The following KDM4C variants were observed in gnomAD, a reference collection of about 807,000 sequenced individuals.
The protein encoded by KDM4C is lysine-specific demethylase 4C.
KDM4C carries 81 observed loss-of-function variants against 129.3 expected under a neutral mutation model. The ratio of observed to expected loss-of-function variants is 0.63; its 90% CI spans 0.52 to 0.75. KDM4C has a LOEUF of 0.75. Among genes scored for constraint, KDM4C ranks in the 30% least tolerant of loss-of-function variants. KDM4C has a pLI of 0.00. For missense variants in KDM4C, 1,457 were observed against 1,304.0 expected (o/e 1.12, Z -1.81); for synonymous variants, 573 against 456.1 (o/e 1.26, Z -3.26).
chr9:6,932,947 G>A (rs563155792), intron 8 of KDM4C, among the ~76,000 whole-genome samples: 38 of 152,316 alleles, frequency 2.5e-4, no homozygotes, highest in Middle Eastern at 6.8e-3. Context: ...CATGCATTAA[G>A]TTTTCCTCTT....
intron 11 of KDM4C, among the ~76,000 whole-genome samples, chr9:6,988,647 T>A (rs919625032): frequency 2.7e-5 from 4 of 150,166 alleles, no homozygotes; most frequent in Non-Finnish European, 5.9e-5. Flanking sequence ...ATTATGTTAT[T>A]TTTTAAAGCC....
intron 4 of KDM4C, among the ~76,000 whole-genome samples, chr9:6,823,797 G>T (rs1833426097): frequency 1.3e-5 from 2 of 152,200 alleles, no homozygotes; most frequent in South Asian, 4.1e-4. Context: ...AAGAGATTGG[G>T]ACATGTCAAG....
At chr9:7,169,737 C>G (rs866318205) in intron 20 of KDM4C, 61 bp from the exon 21 acceptor site, 2 of 1,299,834 alleles carry the variant, frequency 1.5e-6, no homozygotes, top group Non-Finnish European at 2.1e-6. Context: ...TTAATTGGAG[C>G]CTTTAAAAAT....
At chr9:7,045,921 A>G (rs970952736) in intron 15 of KDM4C, among the ~76,000 whole-genome samples, 2 of 152,070 alleles carry the variant, frequency 1.3e-5, no homozygotes, top group African/African-American at 4.8e-5. Context: ...GCTAGGAAAA[A>G]TTGTCAAAAT....
intron 4 of KDM4C, among the ~76,000 whole-genome samples, chr9:6,830,347 G>C (rs1484243621): frequency 1.3e-5 from 2 of 152,130 alleles, no homozygotes; most frequent in African/African-American, 4.8e-5. Context: ...AGCAGGTCTG[G>C]CTGAGATGAG....
Position 7,131,379 on chromosome 9 carries a change from A to G in KDM4C, c.2781+3143A>G, listed in dbSNP as rs550140927. Among the ~76,000 whole-genome samples, 3 of 152,258 alleles carry G rather than the reference A, an allele frequency of 2.0e-5. No individual in the cohort carries two copies. In the East Asian group the frequency reaches 5.8e-4, roughly 29 times the overall value. On this transcript the variant is annotated intron_variant, in intron 19 of 21. Coordinates refer to ENST00000381309, the MANE Select transcript of KDM4C (RefSeq NM_015061.6). The stretch of plus-strand genomic sequence containing the variant: ...ATAGGGGAAGTTTTTTTCCCCTTAT[A>G]ATATTGTATTAGGCAGGGTTCTCCA...
rs553207730 is a variant in KDM4C at position 7,055,576 on chromosome 9, C to T, written c.2424+6376C>T. Among the ~76,000 whole-genome samples the T allele has an allele frequency of 6.6e-5, 10 of 152,310 alleles. No individual in the cohort carries two copies. The South Asian group carries it at 2.1e-3, about 32-fold the overall frequency. ...GTACCTGAAGGCAAATAATAGTGAACCTGCAAGCCAAAGATTATAGTTTTG... is the reference window on the plus strand; with the variant it reads ...GTACCTGAAGGCAAATAATAGTGAATCTGCAAGCCAAAGATTATAGTTTTG... On this transcript the variant is annotated intron_variant, in intron 17 of 21. Transcript: ENST00000381309.
At chr9:7,116,044 C>T (rs932305049) in intron 18 of KDM4C, among the ~76,000 whole-genome samples, 7 of 152,144 alleles carry the variant, frequency 4.6e-5, no homozygotes, top group Non-Finnish European at 2.9e-5. Context: ...TCTGAAGAAA[C>T]GTAAGAAATT....
At chr9:7,158,778 G>C (rs534755141) in intron 19 of KDM4C, among the ~76,000 whole-genome samples, 58 of 152,298 alleles carry the variant, frequency 3.8e-4, no homozygotes, top group African/African-American at 1.3e-3. Context: ...GTCAATTTTA[G>C]AATAAGTGCA....
intron 4 of KDM4C, chr9:6,835,526 A>G: frequency 1.3e-6 from 2 of 1,507,582 alleles, no homozygotes; most frequent in East Asian, 2.3e-5. Context: ...TGGATCAGCA[A>G]GCAGGAGTAT....
chr9:6,956,823 C>G (rs1216346074), intron 8 of KDM4C, among the ~76,000 whole-genome samples: 2 of 152,122 alleles, frequency 1.3e-5, no homozygotes, highest in Non-Finnish European at 2.9e-5. Context: ...CAGAATCTTT[C>G]TTTTATCAAG....
chr9:6,757,726 C>T (rs912723667), upstream of KDM4C: 64 of 985,498 alleles, frequency 6.5e-5, no homozygotes, highest in Non-Finnish European at 7.0e-5. Context: ...GCCAGCGCTT[C>T]CGGGCAAGGT....
chr9:6,867,888 G>T (rs942823484), intron 5 of KDM4C, among the ~76,000 whole-genome samples: 1 of 152,136 alleles, frequency 6.6e-6, no homozygotes, highest in African/African-American at 2.4e-5. Context: ...CAAAATTTCA[G>T]TGGAATTAAA....
At chr9:7,105,950 G>A (rs1417912625) in intron 18 of KDM4C, among the ~76,000 whole-genome samples, 3 of 152,252 alleles carry the variant, frequency 2.0e-5, no homozygotes, top group Middle Eastern at 3.4e-3. Flanking sequence ...TGTAAAGACT[G>A]GGGAAAAGAT....
At chr9:7,081,933 CA>C (rs1834568362) in intron 17 of KDM4C, among the ~76,000 whole-genome samples, 1 of 152,024 alleles carries the variant, frequency 6.6e-6, no homozygotes, top group Non-Finnish European at 1.5e-5. Flanking sequence ...AGCAGGAACC[CA>C]GAGAGCTAGT....
intron 17 of KDM4C, among the ~76,000 whole-genome samples, chr9:7,056,725 G>T (rs1309473117): frequency 1.3e-5 from 2 of 152,186 alleles, no homozygotes; most frequent in Non-Finnish European, 2.9e-5. Context: ...TGGGACTTCA[G>T]ATAATTCATG....
At chr9:6,910,478 C>A (rs1028607702) in intron 8 of KDM4C, among the ~76,000 whole-genome samples, 4 of 152,134 alleles carry the variant, frequency 2.6e-5, no homozygotes, top group African/African-American at 7.2e-5. Context: ...AAAAGACAGG[C>A]AGTTCACTAA....
At chr9:7,059,896 T>G (rs531390710) in intron 17 of KDM4C, among the ~76,000 whole-genome samples, 43 of 152,262 alleles carry the variant, frequency 2.8e-4, no homozygotes, top group African/African-American at 9.9e-4. Flanking sequence ...TTTCCATTTT[T>G]AATTTCTAAT....
intron 7 of KDM4C, among the ~76,000 whole-genome samples, chr9:6,889,211 T>TTTGTG (rs766335055): frequency 3.2e-5 from 2 of 61,616 alleles, no homozygotes; most frequent in African/African-American, 1.3e-4. Context: ...GGCCTTCTTT[T>TTTGTG]TGTGTGTGTG....
Sources: allele counts gnomAD v4.1 joint callset (sites outside exome capture counted in the v4.1 genomes callset), GRCh38; gene constraint gnomAD v4.1.1; transcripts MANE v1.5; gene names NCBI Gene and HGNC (gene_info 2026-07-23, HGNC 2026-07-21).